MTMR10: variants seen among roughly 807,000 people sequenced by gnomAD.
MTMR10 encodes myotubularin-related protein 10.
Under a neutral mutation model 88.1 loss-of-function variants are expected in MTMR10, and 56 were observed. The ratio of observed to expected loss-of-function variants is 0.64; its 90% CI spans 0.51 to 0.79. The LOEUF is 0.79. Among genes scored for constraint, MTMR10 ranks in the 30% least tolerant of loss-of-function variants. MTMR10 has a pLI of 0.00. For missense variants in MTMR10, 883 were observed against 924.7 expected, an observed-to-expected ratio of 0.95 and a Z score of 0.58; for synonymous variants, 380 against 340.9, an observed-to-expected ratio of 1.11 and a Z score of -1.26.
rs770512383 is a variant in MTMR10 at position 30,941,213 on chromosome 15, A to G, written c.*257T>C. The G allele has an allele frequency of 1.6e-5, 22 of 1,384,542 alleles. No homozygotes were observed. The highest frequency in any genetic ancestry group is 2.1e-5 in the Non-Finnish European group (22 of 1,051,768). 85.8% of individuals were successfully genotyped at this position (1,384,542 alleles called of 1,614,324 possible). On this transcript the variant is annotated 3_prime_UTR_variant, in exon 16 of 16. Coordinates refer to ENST00000435680, the MANE Select transcript of MTMR10 (RefSeq NM_017762.3). ...AAATGGATGGAGACAAAAATGTAGC[A>G]GACAACATGAACAGTTTGATCACGG...
At chr15:30,928,506 T>TTGTGTGTGTGTGTGTGTGTGTGTG in the MTMR10 span, 2 of 1,303,828 alleles carry the variant, frequency 1.5e-6, no homozygotes, top group African/African-American at 3.1e-5. Flanking sequence ...AAAACAGATT[T>TTGTGTGTGTGTGTGTGTGTGTGTG]TGTGTGTGTG....
In MTMR10 at chr15:30,991,441, GT is replaced by G; in HGVS notation, c.60+5del. 1 of 1,491,722 alleles carries G rather than the reference GT, an allele frequency of 6.7e-7. No individual in the cohort carries two copies. Among genetic ancestry groups the G allele is most frequent in the South Asian group, 1.3e-5 (1 of 74,524 alleles). 92.4% of individuals were successfully genotyped at this position (1,491,722 alleles called of 1,614,324 possible). A position where few individuals can be genotyped will look rare whatever the true frequency, so the allele number is the denominator to read the frequency against. On this transcript the variant is annotated splice_donor_5th_base_variant and intron_variant, in intron 1 of 15. Transcript: ENST00000435680. ...AGTCGGGCGCTCGCGGGGAGGGGTT[GT>G]TTACCTGGGGCGGTGGCAGGAGGTA...
intron 14 of MTMR10, among the ~76,000 whole-genome samples, chr15:30,945,588 A>G (rs2063158592): frequency 6.6e-6 from 1 of 152,298 alleles, no homozygotes; most frequent in African/African-American, 2.4e-5. Flanking sequence ...ACAATGGGGA[A>G]GAGCTGAAGG....
the MTMR10 span, among the ~76,000 whole-genome samples, chr15:30,929,682 TAA>T: frequency 2.6e-5 from 3 of 115,490 alleles, no homozygotes; most frequent in Non-Finnish European, 4.9e-5. Flanking sequence ...ATATATCATA[TAA>T]TATATATAAA....
chr15:30,942,158 A>T, intron 15 of MTMR10, 86 bp from the exon 16 acceptor site: 1 of 1,422,276 alleles, frequency 7.0e-7, no homozygotes, highest in Non-Finnish European at 9.5e-7. Context: ...ACTCAATACT[A>T]TGAAAAATTA....
intron 6 of MTMR10, among the ~76,000 whole-genome samples, chr15:30,965,464 G>A (rs1249648606): frequency 6.6e-6 from 1 of 152,154 alleles, no homozygotes; most frequent in Non-Finnish European, 1.5e-5. Flanking sequence ...TGGTCCAGAA[G>A]CATAATCTGA....
chr15:30,943,242 C>T (rs776948817), intron 14 of MTMR10, 170 bp from the exon 15 acceptor site: 182 of 1,372,872 alleles, frequency 1.3e-4, no homozygotes, highest in Admixed American at 3.8e-4. Flanking sequence ...GGCCTTTGAG[C>T]TCAGAGGGCC....
In MTMR10 at chr15:30,940,417, T is replaced by TCTC; in HGVS notation, c.*1052_*1053insGAG. The TCTC allele has an allele frequency of 1.0e-6, 1 of 985,388 alleles. No individual in the cohort carries two copies. Among genetic ancestry groups the TCTC allele is most frequent in the Non-Finnish European group, 1.2e-6 (1 of 829,938 alleles). The allele number at this position is 985,388 out of a possible 1,614,324, so 61.0% of individuals were successfully genotyped here. On this transcript the variant is annotated 3_prime_UTR_variant, in exon 16 of 16. Coordinates refer to ENST00000435680, the MANE Select transcript of MTMR10 (RefSeq NM_017762.3). ...GTTTTGAGAGAATCCATTTTTTTAT[T>TCTC]TCTCCTCTATTCCTAAGCATTAGGA...
chr15:30,977,033 T>C, intron 2 of MTMR10, 78 bp from the exon 3 acceptor site: 1 of 1,351,152 alleles, frequency 7.4e-7, no homozygotes, highest in Non-Finnish European at 1.0e-6. Context: ...GAAGGAGTGT[T>C]TCATGAGGGC....
At chr15:30,937,194 G>A, downstream of MTMR10, 2 of 1,614,148 alleles carry the variant, frequency 1.2e-6, no homozygotes, top group Non-Finnish European at 1.7e-6. Flanking sequence ...GCAGAAGCTG[G>A]GGGCTGAAGT....
intron 11 of MTMR10, among the ~76,000 whole-genome samples, chr15:30,952,279 G>A (rs1197535277): frequency 2.0e-5 from 3 of 152,224 alleles, no homozygotes; most frequent in Admixed American, 2.0e-4. Context: ...AGGATTGACT[G>A]CTTTCTACTG....
intron 1 of MTMR10, 35 bp downstream of exon 1, chr15:30,991,412 G>C (rs985735735): frequency 1.4e-6 from 2 of 1,459,736 alleles, no homozygotes; most frequent in Non-Finnish European, 1.8e-6. Context: ...GAAGCGCAGA[G>C]GAGAGTCGGG....
chr15:30,949,526 C>T (rs1278062532), intron 12 of MTMR10: 2 of 152,090 alleles, frequency 1.3e-5, no homozygotes, highest in Non-Finnish European at 2.9e-5. Context: ...ATTCTGTACA[C>T]AACAATCTGA....
chr15:30,957,895 A>G (rs896010792), intron 9 of MTMR10, among the ~76,000 whole-genome samples: 16 of 152,194 alleles, frequency 1.1e-4, no homozygotes, highest in Non-Finnish European at 2.2e-4. Context: ...CACTTATAAC[A>G]CACAGGCAGA....
At chr15:30,947,450 T>C in intron 13 of MTMR10, 150 bp from the exon 14 acceptor site, 1 of 856,566 alleles carries the variant, frequency 1.2e-6, no homozygotes, top group Non-Finnish European at 1.7e-6. Flanking sequence ...GCTATACACA[T>C]CTATCAAACC....
chr15:30,949,478 T>C (rs530753706), intron 12 of MTMR10: 19 of 152,340 alleles, frequency 1.2e-4, no homozygotes, highest in Admixed American at 8.5e-4. Context: ...ACAAAATAAC[T>C]ACTAGAATTA....
intron 5 of MTMR10, among the ~76,000 whole-genome samples, chr15:30,971,944 A>G (rs2063543151): frequency 6.6e-6 from 1 of 152,212 alleles, no homozygotes; most frequent in South Asian, 2.1e-4. Flanking sequence ...TACAATTGAA[A>G]CAACACCAAC....
At chr15:30,954,654 C>A in intron 10 of MTMR10, 109 bp downstream of exon 10, 1 of 1,105,636 alleles carries the variant, frequency 9.0e-7, no homozygotes, top group South Asian at 2.2e-5. Flanking sequence ...GTTCCATAGA[C>A]TCCTTAAATA....
downstream of MTMR10, chr15:30,937,128 G>C: frequency 6.2e-7 from 1 of 1,608,730 alleles, no homozygotes; most frequent in Non-Finnish European, 8.5e-7. Flanking sequence ...GCTGGTGGAA[G>C]TTAAAGGCCC....
Sources: allele counts gnomAD v4.1 joint callset (sites outside exome capture counted in the v4.1 genomes callset), GRCh38; gene constraint gnomAD v4.1.1; transcripts MANE v1.5; gene names NCBI Gene and HGNC (gene_info 2026-07-23, HGNC 2026-07-21).